MAP3K4: variants seen among roughly 807,000 people sequenced by gnomAD.
MAP3K4 encodes the protein MAP three kinase 1.
Under a neutral mutation model 185.6 loss-of-function variants are expected in MAP3K4, and 67 were observed. The observed-to-expected ratio is 0.36, with a 90% CI of 0.30 to 0.44. MAP3K4 has a LOEUF of 0.44. Among genes scored for constraint, MAP3K4 ranks in the 20% least tolerant of loss-of-function variants. MAP3K4 has a pLI of 1.00. For missense variants in MAP3K4, 1,551 were observed against 1,995.1 expected (o/e 0.78, Z 4.24); for synonymous variants, 702 against 710.4 (o/e 0.99, Z 0.19).
At position 161,106,728 on chromosome 6, in the gene MAP3K4, T is replaced by C. The variant is rs1778090480; in HGVS notation, c.4048+23T>C. 8.8e-6 allele frequency: 14 copies of C among 1,582,762 alleles called. No homozygotes were observed. Among genetic ancestry groups the C allele is most frequent in the Non-Finnish European group, 1.2e-5 (14 of 1,159,252 alleles). On this transcript the variant is annotated intron_variant, in intron 20 of 26. Coordinates refer to ENST00000392142, the MANE Select transcript of MAP3K4 (RefSeq NM_005922.4). The surrounding 1 kb of genome is among the most constrained non-coding windows in gnomAD (Gnocchi z 4.9). ...TTGGTAAGGAAATTAAGGAGCATGA[T>C]GTCAAGATAGTCCCTGTTAGAAGTA... is the stretch of plus-strand genomic sequence containing the variant.
At chr6:160,997,775 C>G (rs1021773805) in intron 1 of MAP3K4, among the ~76,000 whole-genome samples, 1 of 152,152 alleles carries the variant, frequency 6.6e-6, no homozygotes, top group African/African-American at 2.4e-5. Flanking sequence ...TTGGAGCTGC[C>G]CTCTTCTTAC....
In MAP3K4 at chr6:160,991,788, C is replaced by G; in HGVS notation, c.-144C>G. The G allele has an allele frequency of 1.0e-6, 1 of 974,752 alleles. No homozygotes were observed. Among genetic ancestry groups the G allele is most frequent in the Non-Finnish European group, 1.4e-6 (1 of 723,414 alleles). 60.4% of individuals were successfully genotyped at this position (974,752 alleles called of 1,614,324 possible). ...CCCGGCGCTCGGCCGGTCGCCGTTTCCAAGATGGCCGCGGCGCGCACGGCT... is the reference window on the plus strand; with the variant it reads ...CCCGGCGCTCGGCCGGTCGCCGTTTGCAAGATGGCCGCGGCGCGCACGGCT... On this transcript the variant is annotated 5_prime_UTR_variant, in exon 1 of 27. Transcript: ENST00000392142. This position sits in a 1 kb window ranked among gnomAD's most constrained non-coding sequence, Gnocchi z 5.7.
chr6:161,090,378 C>T (rs1785968675), intron 11 of MAP3K4, among the ~76,000 whole-genome samples: 1 of 152,036 alleles, frequency 6.6e-6, no homozygotes, highest in Admixed American at 6.6e-5. Context: ...GGCTTCTCAG[C>T]CTCTTGGATG....
In MAP3K4 at chr6:161,049,830, C is replaced by G; in HGVS notation, c.1558C>G (p.His520Asp). ...DWSTEAGFSR[H>D]CLTSIYRPFV... ...GAGCACAGAAGCAGGCTTTAGTAGA[C>G]ATTGTCTGACTTCTATTTATAGACC... is the stretch of plus-strand genomic sequence containing the variant. Residue 520 changes from histidine (H) to aspartate (D), a missense_variant, in exon 3 of 27, where the codon CAT (histidine) becomes GAT (aspartate). Physicochemically the swap from His to Asp is moderately conservative, Grantham distance 81. This residue lies in a region of MAP3K4 where 126 missense variants were observed against 112.8 expected (regional missense o/e 1.12). Transcript: ENST00000392142. The surrounding 1 kb of genome is among the most constrained non-coding windows in gnomAD (Gnocchi z 8.4). 8 of 1,614,140 alleles carry G rather than the reference C, an allele frequency of 5.0e-6. No individual in the cohort carries two copies. The highest frequency in any genetic ancestry group is 5.1e-6 in the Non-Finnish European group (6 of 1,180,020).
At chr6:160,999,273 A>G (rs1781157256) in intron 1 of MAP3K4, among the ~76,000 whole-genome samples, 1 of 152,260 alleles carries the variant, frequency 6.6e-6, no homozygotes, top group African/African-American at 2.4e-5. Flanking sequence ...TGTCAAATTA[A>G]TAGAAATTGT....
intron 1 of MAP3K4, among the ~76,000 whole-genome samples, chr6:161,018,173 AGTTTGAGGAGGCTGAGGCAGTT>A (rs1046075475): frequency 2.2e-4 from 34 of 152,224 alleles, no homozygotes; most frequent in Admixed American, 9.8e-4. Flanking sequence ...AGCAGATTGG[AGTTTGAGGAGGCTGAGGCAGTT>A]GGAAGTTGAG....
At chr6:161,055,026 C>T (rs1241172955) in intron 3 of MAP3K4, among the ~76,000 whole-genome samples, 2 of 152,086 alleles carry the variant, frequency 1.3e-5, no homozygotes, top group Non-Finnish European at 2.9e-5. Context: ...ATTTTTCCAC[C>T]TTGCTGTAAT....
At position 161,116,915 on chromosome 6, in the gene MAP3K4, G is replaced by A; in HGVS notation, c.*45G>A. On this transcript the variant is annotated 3_prime_UTR_variant, in exon 27 of 27. Coordinates refer to ENST00000392142, the MANE Select transcript of MAP3K4 (RefSeq NM_005922.4). This position sits in a 1 kb window ranked among gnomAD's most constrained non-coding sequence, Gnocchi z 6.2. ...TTGGAAAATTCTCTTAATCACTACT[G>A]TATGTAATATTTACATAAAGACTGT... The A allele has an allele frequency of 6.4e-7, 1 of 1,557,138 alleles. No homozygotes were observed. Among genetic ancestry groups the A allele is most frequent in the Non-Finnish European group, 8.9e-7 (1 of 1,128,084 alleles).
chr6:161,039,317 G>T (rs184870113), intron 2 of MAP3K4, among the ~76,000 whole-genome samples: 1 of 144,130 alleles, frequency 6.9e-6, no homozygotes, highest in Non-Finnish European at 1.5e-5. Context: ...GTACATCCCT[G>T]AAGGAATGTA....
In MAP3K4 at chr6:161,084,555, A is replaced by G. The variant is rs1284752096; in HGVS notation, c.2310A>G (p.Leu770=). 1.9e-6 allele frequency: 3 copies of G among 1,612,984 alleles called. No homozygotes were observed. Among genetic ancestry groups the G allele is most frequent in the Non-Finnish European group, 1.7e-6 (2 of 1,178,944 alleles). ...CAGGAAGTTTTTTAGAATTTGGCTT[A>G]CAGGAGAGCTGTGCTGAATTTTGGA... ...KSTGSFLEFG[L]QESCAEFWTS... is the part of the protein sequence containing the mutation. Residue 770 remains leucine, a synonymous_variant, in exon 7 of 27, where the codon TTA becomes TTG. Transcript: ENST00000392142. The surrounding 1 kb of genome is among the most constrained non-coding windows in gnomAD (Gnocchi z 4.6).
In MAP3K4 at chr6:161,017,562, T is replaced by C. The variant is rs1324831285; in HGVS notation, c.153-16697T>C. On this transcript the variant is annotated intron_variant, in intron 1 of 26. Transcript: ENST00000392142. The surrounding 1 kb of genome is among the most constrained non-coding windows in gnomAD (Gnocchi z 5.1). ...CTAAAAATTAGGTCCACAAAAAATC[T>C]TTGTGATCTTTTGTAAGTTATAGAA... is the stretch of plus-strand genomic sequence containing the variant. Among the ~76,000 whole-genome samples the C allele has an allele frequency of 1.3e-5, 2 of 152,332 alleles. No individual in the cohort carries two copies. The highest frequency in any genetic ancestry group is 3.9e-4 in the East Asian group (2 of 5,192).
At position 161,008,033 on chromosome 6, in the gene MAP3K4, A is replaced by G. The variant is rs1781677553; in HGVS notation, c.152+15950A>G. 6.6e-6 allele frequency among the ~76,000 whole-genome samples: 1 copy of G among 152,228 alleles called. No homozygotes were observed. Among genetic ancestry groups the G allele is most frequent in the Non-Finnish European group, 1.5e-5 (1 of 68,022 alleles). ...GTAAGGCATAGCTATTGTCTTCTAT[A>G]AAATTCTGGTAAACCCATAAAGAGT... On this transcript the variant is annotated intron_variant, in intron 1 of 26. Coordinates refer to ENST00000392142, the MANE Select transcript of MAP3K4 (RefSeq NM_005922.4). The surrounding 1 kb of genome is among the most constrained non-coding windows in gnomAD (Gnocchi z 4.1).
At chr6:161,042,286 C>G (rs1237245457) in intron 2 of MAP3K4, among the ~76,000 whole-genome samples, 1 of 152,076 alleles carries the variant, frequency 6.6e-6, no homozygotes, top group East Asian at 1.9e-4. Flanking sequence ...CTGAAAATTC[C>G]TGTCTTATTG....
At chr6:161,069,255 G>A (rs948818809) in intron 3 of MAP3K4, among the ~76,000 whole-genome samples, 4 of 152,100 alleles carry the variant, frequency 2.6e-5, no homozygotes, top group Admixed American at 1.3e-4. Flanking sequence ...AAGCCACACC[G>A]TCTCTATCAT....
At chr6:161,094,637 A>G (rs1403836139) in intron 15 of MAP3K4, among the ~76,000 whole-genome samples, 1 of 152,262 alleles carries the variant, frequency 6.6e-6, no homozygotes, top group Non-Finnish European at 1.5e-5. Context: ...TTTATTGAAC[A>G]CTAACTGTAT....
Position 161,117,011 on chromosome 6 carries a change from C to G in MAP3K4, c.*141C>G, listed in dbSNP as rs1389983367. On this transcript the variant is annotated 3_prime_UTR_variant, in exon 27 of 27. Coordinates refer to ENST00000392142, the MANE Select transcript of MAP3K4 (RefSeq NM_005922.4). ...TGCACAGGTGACAAGCGTCACTTCT[C>G]CTGCTGCTCCTGTTTGTCTGATGTG... 5 of 736,510 alleles carry G rather than the reference C, an allele frequency of 6.8e-6. No homozygotes were observed. The highest frequency in any genetic ancestry group is 1.8e-5 in the African/African-American group (1 of 56,484). 45.6% of individuals were successfully genotyped at this position (736,510 alleles called of 1,614,324 possible). A position where few individuals can be genotyped will look rare whatever the true frequency, so the allele number is the denominator to read the frequency against.
intron 5 of MAP3K4, among the ~76,000 whole-genome samples, chr6:161,078,125 G>A (rs1272338922): frequency 6.6e-6 from 1 of 152,186 alleles, no homozygotes; most frequent in African/African-American, 2.4e-5. Flanking sequence ...ATGGGTGGTG[G>A]TGGGTATTGG....
In MAP3K4 at chr6:161,084,014, T is replaced by C. The variant is rs1426735837; in HGVS notation, c.2256-487T>C. On this transcript the variant is annotated intron_variant, in intron 6 of 26. Coordinates refer to ENST00000392142, the MANE Select transcript of MAP3K4 (RefSeq NM_005922.4). This position sits in a 1 kb window ranked among gnomAD's most constrained non-coding sequence, Gnocchi z 4.6. ...ACTCATTTAGATTCATTTTATATACTGGGGTGTACATTTTAACACTAGTAT... is the reference window on the plus strand; with the variant it reads ...ACTCATTTAGATTCATTTTATATACCGGGGTGTACATTTTAACACTAGTAT... Among the ~76,000 whole-genome samples the C allele has an allele frequency of 2.0e-5, 3 of 152,246 alleles. No individual in the cohort carries two copies. Among genetic ancestry groups the C allele is most frequent in the African/African-American group, 7.2e-5 (3 of 41,470 alleles).
In MAP3K4 at chr6:161,116,879, A is replaced by G. The variant is rs777097133; in HGVS notation, c.*9A>G. 1.9e-6 allele frequency: 3 copies of G among 1,613,534 alleles called. No individual in the cohort carries two copies. The Admixed American group carries it at 5.0e-5, about 27-fold the overall frequency. Reference sequence around the variant, plus strand: ...GCACAGATGAAGAATGAAGCCTAGTAGAATATGGACTTGGAAAATTCTCTT... The same window carrying G: ...GCACAGATGAAGAATGAAGCCTAGTGGAATATGGACTTGGAAAATTCTCTT... On this transcript the variant is annotated 3_prime_UTR_variant, in exon 27 of 27. Transcript: ENST00000392142. The surrounding 1 kb of genome is among the most constrained non-coding windows in gnomAD (Gnocchi z 6.2).
Sources: gnomAD v4.1 joint callset for allele counts (sites outside exome capture counted in the v4.1 genomes callset) on GRCh38, gnomAD v4.1.1 for gene constraint, gnomAD v4.1.1 regional missense constraint, Gnocchi (gnomAD v3.1) non-coding constraint, MANE v1.5 for transcripts, NCBI Gene and HGNC (gene_info 2026-07-23, HGNC 2026-07-21) for gene names.